CDH1: variants seen among roughly 807,000 people sequenced by gnomAD.
The protein encoded by CDH1 is cadherin 1.
A neutral mutation model predicts 84.5 loss-of-function variants in CDH1; 35 were observed. That is an observed-to-expected ratio of 0.41 (90% CI 0.32 to 0.55). The LOEUF (loss-of-function observed/expected upper bound fraction) is 0.55, where lower values mean the gene tolerates loss of function less well. Ranked by LOEUF, CDH1 falls within the 20% of genes least tolerant of loss-of-function variation. The probability of loss-of-function intolerance (pLI) is 0.19; values close to 1 mark genes in which losing one functional copy is unlikely to be tolerated. For synonymous variants in CDH1, 417 were observed against 439.0 expected (o/e 0.95, Z 0.63); for missense variants, 994 against 1,126.6 (o/e 0.88, Z 1.68).
chr16:68,756,762 G>A (rs752825260), intron 2 of CDH1, among the ~76,000 whole-genome samples: 2 of 152,126 alleles, frequency 1.3e-5, no homozygotes, highest in East Asian at 3.9e-4. Flanking sequence ...CCAGCACTTC[G>A]GGAGGCCAAA....
At chr16:68,737,897 G>T (rs1023753611) in intron 1 of CDH1, among the ~76,000 whole-genome samples, 1 of 152,222 alleles carries the variant, frequency 6.6e-6, no homozygotes, top group Non-Finnish European at 1.5e-5. Flanking sequence ...AAGAAAGGTC[G>T]TAAATAGGAG....
In CDH1 at chr16:68,822,219, G is replaced by C. The variant is rs587781696; in HGVS notation, c.1930G>C (p.Asp644His). The change falls in exon 12 of 16, where the codon GAC becomes CAC. Residue 644 changes from aspartate to histidine, a missense_variant. By Grantham distance (81) the Asp-to-His change is moderately conservative (BLOSUM62 -1). Around this residue, in one of 3 missense-constraint regions of CDH1, gnomAD observed 769 missense variants for 881.8 expected, o/e 0.87. Coordinates refer to ENST00000261769, the MANE Select transcript of CDH1 (RefSeq NM_004360.5). ...ASANWTIQYNDPTQESIILKP... is the reference protein window; with the variant it reads ...ASANWTIQYNHPTQESIILKP... ...TGCCAACTGGACCATTCAGTACAAC[G>C]ACCCAAGTGGGTACCTGAGTTTTAT... 1.2e-6 allele frequency: 2 copies of C among 1,612,834 alleles called. No individual in the cohort carries two copies. The highest frequency in any genetic ancestry group is 1.1e-5 in the South Asian group (1 of 91,050).
At chr16:68,753,264 A>G (rs993135281) in intron 2 of CDH1, among the ~76,000 whole-genome samples, 3 of 151,548 alleles carry the variant, frequency 2.0e-5, no homozygotes, top group African/African-American at 7.3e-5. Flanking sequence ...CTCGGCCAAG[A>G]TAAAAATCTC....
At chr16:68,775,263 T>A (rs1221905002) in intron 2 of CDH1, among the ~76,000 whole-genome samples, 2 of 152,232 alleles carry the variant, frequency 1.3e-5, no homozygotes. Flanking sequence ...GCTGCAGGCA[T>A]GTTTCACCCC....
In CDH1 at chr16:68,825,315, T is replaced by C. The variant is rs552784552; in HGVS notation, c.2164+1689T>C. 2.0e-3 allele frequency among the ~76,000 whole-genome samples: 297 copies of C among 152,176 alleles called. 1 individual carries two copies. Among genetic ancestry groups the C allele is most frequent in the Non-Finnish European group, 2.8e-3 (188 of 67,974 alleles). On this transcript the variant is annotated intron_variant, in intron 13 of 15. Coordinates refer to ENST00000261769, the MANE Select transcript of CDH1 (RefSeq NM_004360.5). ...ACAGGCAGATGGGTATTTAGGAAGGTTCCCCTCCTAGCAAAGCACAGCAGA... is the reference window on the plus strand; with the variant it reads ...ACAGGCAGATGGGTATTTAGGAAGGCTCCCCTCCTAGCAAAGCACAGCAGA...
At chr16:68,752,603 T>C (rs896617011) in intron 2 of CDH1, among the ~76,000 whole-genome samples, 1 of 152,208 alleles carries the variant, frequency 6.6e-6, no homozygotes, top group African/African-American at 2.4e-5. Flanking sequence ...TTTTCTTTTT[T>C]TAAAGACAGG....
chr16:68,803,396 G>C (rs969567301), intron 3 of CDH1, among the ~76,000 whole-genome samples: 1 of 152,104 alleles, frequency 6.6e-6, no homozygotes, highest in African/African-American at 2.4e-5. Context: ...TTATGATCCA[G>C]AGACAGTTTT....
chr16:68,742,985 G>A (rs962506432), intron 2 of CDH1, among the ~76,000 whole-genome samples: 2 of 152,206 alleles, frequency 1.3e-5, no homozygotes, highest in Non-Finnish European at 2.9e-5. Context: ...CTGGAGGTGC[G>A]GAGGTGGAAA....
At chr16:68,757,780 TCC>T (rs1211405722) in intron 2 of CDH1, among the ~76,000 whole-genome samples, 4 of 150,198 alleles carry the variant, frequency 2.7e-5, no homozygotes, top group Non-Finnish European at 4.4e-5. Context: ...CTTCCTTCCT[TCC>T]TTCCTTCCTT....
intron 2 of CDH1, among the ~76,000 whole-genome samples, chr16:68,777,757 G>A (rs1159063441): frequency 6.6e-6 from 1 of 151,712 alleles, no homozygotes; most frequent in African/African-American, 2.4e-5. Flanking sequence ...TTTGAGATGG[G>A]GTCTCACTCT....
intron 2 of CDH1, among the ~76,000 whole-genome samples, chr16:68,775,801 A>G (rs1228632141): frequency 6.6e-6 from 1 of 152,196 alleles, no homozygotes; most frequent in African/African-American, 2.4e-5. Flanking sequence ...TTAGACATCA[A>G]GGTCAAGAAA....
chr16:68,749,798 C>A (rs1341571934), intron 2 of CDH1, among the ~76,000 whole-genome samples: 1 of 152,212 alleles, frequency 6.6e-6, no homozygotes, highest in South Asian at 2.1e-4. Context: ...CTCTACTACA[C>A]TGTTGCCAAA....
intron 9 of CDH1, among the ~76,000 whole-genome samples, chr16:68,815,286 T>G (rs1476240663): frequency 6.6e-6 from 1 of 152,060 alleles, no homozygotes; most frequent in Non-Finnish European, 1.5e-5. Context: ...TTGAAGTGAC[T>G]GGATCCCTAG....
intron 2 of CDH1, among the ~76,000 whole-genome samples, chr16:68,745,629 A>G (rs563827919): frequency 5.5e-5 from 8 of 146,686 alleles, no homozygotes; most frequent in East Asian, 2.0e-4. Flanking sequence ...ATATATATGT[A>G]TATATATTTC....
intron 13 of CDH1, among the ~76,000 whole-genome samples, chr16:68,823,895 C>G (rs922521042): frequency 6.6e-6 from 1 of 151,954 alleles, no homozygotes; most frequent in Non-Finnish European, 1.5e-5. Flanking sequence ...CAAGACAGTG[C>G]ATCCCAAGCT....
At chr16:68,804,218 A>T (rs1960591345) in intron 3 of CDH1, among the ~76,000 whole-genome samples, 1 of 139,040 alleles carries the variant, frequency 7.2e-6, no homozygotes, top group African/African-American at 2.7e-5. Flanking sequence ...GATTCATGCC[A>T]TTCTCCTGCC....
chr16:68,756,227 A>G (rs906377184), intron 2 of CDH1, among the ~76,000 whole-genome samples: 4 of 151,906 alleles, frequency 2.6e-5, no homozygotes, highest in African/African-American at 9.7e-5. Context: ...CTCCCCAACA[A>G]ATTCTTCACC....
chr16:68,737,486 C>T (rs1184538316), intron 1 of CDH1, 23 bp downstream of exon 1: 2 of 1,534,176 alleles, frequency 1.3e-6, no homozygotes, highest in Non-Finnish European at 8.7e-7. Flanking sequence ...CCCTGACTTG[C>T]GAGGGACGCA....
intron 5 of CDH1, 144 bp from the exon 6 acceptor site, chr16:68,810,053 A>C: frequency 2.5e-6 from 2 of 800,232 alleles, no homozygotes; most frequent in Non-Finnish European, 2.2e-6. Context: ...GCAGCAGCAC[A>C]TGTGTGAGAA....
Sources: gnomAD v4.1 joint callset for allele counts (sites outside exome capture counted in the v4.1 genomes callset) on GRCh38, gnomAD v4.1.1 for gene constraint, gnomAD v4.1.1 regional missense constraint, MANE v1.5 for transcripts, NCBI Gene and HGNC (gene_info 2026-07-23, HGNC 2026-07-21) for gene names.